PCDH11Y: variants seen among roughly 807,000 people sequenced by gnomAD.
The protein encoded by PCDH11Y is protocadherin-11 Y-linked.
For missense variants in PCDH11Y, 12 were observed against 224.8 expected (o/e 0.05, Z 6.05); for synonymous variants, 9 against 83.6 (o/e 0.11, Z 4.87).
intron 2 of PCDH11Y, among the ~76,000 whole-genome samples, chrY:5,146,499 T>C: frequency 2.9e-5 from 1 of 33,979 alleles, no homozygotes; most frequent in Non-Finnish European, 7.3e-5. Flanking sequence ...AGATACAAGT[T>C]CTTGAATTAA....
intron 1 of PCDH11Y, among the ~76,000 whole-genome samples, chrY:5,071,887 A>G (rs2124630791): frequency 3.0e-5 from 1 of 33,373 alleles, no homozygotes; most frequent in South Asian, 6.6e-4. Context: ...AGGAAAGTAT[A>G]AATATTATAC....
intron 2 of PCDH11Y, among the ~76,000 whole-genome samples, chrY:5,362,007 A>G: frequency 3.0e-5 from 1 of 32,952 alleles, no homozygotes; most frequent in Admixed American, 2.9e-4. Context: ...CTAGCAGGCA[A>G]TGAAGCATAT....
At chrY:5,402,157 C>T (rs2053234352) in intron 2 of PCDH11Y, among the ~76,000 whole-genome samples, 3 of 32,659 alleles carry the variant, frequency 9.2e-5, no homozygotes, top group Admixed American at 5.7e-4. Flanking sequence ...TTTGTTCTTA[C>T]GAGATCTGGT....
At chrY:5,085,182 T>C in intron 1 of PCDH11Y, among the ~76,000 whole-genome samples, 1 of 33,106 alleles carries the variant, frequency 3.0e-5, no homozygotes, top group South Asian at 6.5e-4. Context: ...TTTATGTTTT[T>C]TGGTTTGAGG....
intron 2 of PCDH11Y, among the ~76,000 whole-genome samples, chrY:5,243,891 T>G: frequency 3.3e-5 from 1 of 30,629 alleles, no homozygotes; most frequent in African/African-American, 1.5e-4. Flanking sequence ...GCAAAGATAT[T>G]CAGGACCTGA....
intron 2 of PCDH11Y, among the ~76,000 whole-genome samples, chrY:5,254,528 T>C: frequency 3.0e-5 from 1 of 33,349 alleles, no homozygotes; most frequent in Non-Finnish European, 7.4e-5. Context: ...TTAAGATATA[T>C]TTCAATCTTT....
At chrY:5,407,679 C>T (rs2053240239) in intron 2 of PCDH11Y, among the ~76,000 whole-genome samples, 1 of 32,000 alleles carries the variant, frequency 3.1e-5, no homozygotes. Flanking sequence ...TTTGGGAGGC[C>T]AAGGCGGGCA....
intron 2 of PCDH11Y, among the ~76,000 whole-genome samples, chrY:5,498,018 G>A: frequency 6.2e-5 from 2 of 32,183 alleles, no homozygotes; most frequent in African/African-American, 1.2e-4. Flanking sequence ...GATCAGATGA[G>A]CCAGTTTATC....
intron 3 of PCDH11Y, chrY:5,573,141 C>A: frequency 4.2e-6 from 1 of 235,979 alleles, no homozygotes; most frequent in East Asian, 9.8e-5. Context: ...CCTCCCCGGA[C>A]AGCATGAGCT....
chrY:5,073,983 C>A, intron 1 of PCDH11Y, among the ~76,000 whole-genome samples: 1 of 33,022 alleles, frequency 3.0e-5, no homozygotes, highest in Admixed American at 2.8e-4. Context: ...AGTAAAATTT[C>A]TATTGGGGTA....
intron 1 of PCDH11Y, among the ~76,000 whole-genome samples, chrY:5,069,617 T>G: frequency 3.3e-5 from 1 of 30,526 alleles, no homozygotes; most frequent in Non-Finnish European, 7.7e-5. Flanking sequence ...GGAATTTTTT[T>G]TTTGTTTTTT....
intron 4 of PCDH11Y, among the ~76,000 whole-genome samples, chrY:5,603,517 T>G: frequency 3.0e-5 from 1 of 33,073 alleles, no homozygotes; most frequent in Non-Finnish European, 7.5e-5. Flanking sequence ...GCTGTCAAGT[T>G]TATGTCAGAA....
intron 2 of PCDH11Y, among the ~76,000 whole-genome samples, chrY:5,440,064 A>G (rs2053279230): frequency 2.9e-5 from 1 of 34,396 alleles, no homozygotes; most frequent in Non-Finnish European, 7.3e-5. Context: ...CATTAGCACT[A>G]TAACCTCTAT....
chrY:5,676,235 G>A, intron 4 of PCDH11Y, among the ~76,000 whole-genome samples: 1 of 33,204 alleles, frequency 3.0e-5, no homozygotes, highest in Non-Finnish European at 7.4e-5. Flanking sequence ...TTCTAGCCAT[G>A]GCTGAGACTG....
chrY:5,398,128 A>G, intron 2 of PCDH11Y, among the ~76,000 whole-genome samples: 2 of 33,605 alleles, frequency 6.0e-5, no homozygotes, highest in Admixed American at 2.7e-4. Flanking sequence ...TTATTTTTAC[A>G]TGCATGGAAG....
At chrY:5,236,905 A>G in intron 2 of PCDH11Y, among the ~76,000 whole-genome samples, 7 of 31,931 alleles carry the variant, frequency 2.2e-4, no homozygotes, top group South Asian at 7.0e-4. Context: ...AAGTTATCCC[A>G]TATGTAAAAT....
chrY:5,261,502 G>C (rs1602895382), intron 2 of PCDH11Y, among the ~76,000 whole-genome samples: 6 of 33,737 alleles, frequency 1.8e-4, no homozygotes, highest in African/African-American at 6.9e-4. Context: ...TTAGCAAAGG[G>C]ACTGGAGGCA....
chrY:5,054,302 G>A, upstream of PCDH11Y, among the ~76,000 whole-genome samples: 1 of 23,314 alleles, frequency 4.3e-5, no homozygotes, highest in Non-Finnish European at 9.7e-5. Context: ...TTTATTCTGA[G>A]TTCAGGGGTA....
At chrY:5,656,743 T>G in intron 4 of PCDH11Y, among the ~76,000 whole-genome samples, 2 of 32,167 alleles carry the variant, frequency 6.2e-5, no homozygotes, top group Non-Finnish European at 1.5e-4. Context: ...ATCCTAAAAT[T>G]TATATGGAAC....
Sources: allele counts gnomAD v4.1 joint callset (sites outside exome capture counted in the v4.1 genomes callset), GRCh38; gene constraint gnomAD v4.1.1; transcripts MANE v1.5; gene names NCBI Gene and HGNC (gene_info 2026-07-23, HGNC 2026-07-21).